GDA: variants seen among roughly 807,000 people sequenced by gnomAD.
GDA encodes the protein cytoplasmic PSD-95 interactor.
GDA carries 18 observed loss-of-function variants against 59.6 expected under a neutral mutation model. The ratio of observed to expected loss-of-function variants is 0.30; its 90% confidence interval spans 0.21 to 0.45. The LOEUF is 0.45. Ranked by LOEUF, GDA falls within the 20% of genes least tolerant of loss-of-function variation. The pLI, the probability that GDA is intolerant of heterozygous loss-of-function variation, is 1.00. For synonymous variants in GDA, 201 were observed against 201.1 expected, an observed-to-expected ratio of 1.00 and a Z score of 0.00; for missense variants, 427 against 552.3, an observed-to-expected ratio of 0.77 and a Z score of 2.27.
chr9:72,250,919 C>G lies in GDA; in HGVS notation c.*2577C>G, dbSNP rs1840617276. ...AACCAGAACACAAAAGCAGGCTAGT[C>G]AGCTAAGGTAAATTTCATTTTCAAA... On this transcript the variant is annotated 3_prime_UTR_variant, in exon 14 of 14. Transcript: ENST00000358399. The G allele has an allele frequency of 8.4e-7, 1 of 1,193,702 alleles. No homozygotes were observed. The highest frequency in any genetic ancestry group is 1.5e-5 in the African/African-American group (1 of 66,098). 73.9% of individuals were successfully genotyped at this position (1,193,702 alleles called of 1,614,324 possible).
At chr9:72,147,849 A>ATCAG (rs2130677241), upstream of GDA, among the ~76,000 whole-genome samples, 1 of 152,316 alleles carries the variant, frequency 6.6e-6, no homozygotes, top group African/African-American at 2.4e-5. Context: ...ATCAGGAGAA[A>ATCAG]GTGACAAGGA....
downstream of GDA, among the ~76,000 whole-genome samples, chr9:72,252,551 G>A (rs1028813167): frequency 2.6e-5 from 4 of 152,126 alleles, no homozygotes; most frequent in African/African-American, 9.7e-5. Context: ...AGACATATGT[G>A]CATGTGTATT....
chr9:72,149,781 C>T, intron 1 of GDA, 99 bp downstream of exon 1: 1 of 1,241,674 alleles, frequency 8.1e-7, no homozygotes, highest in South Asian at 1.6e-5. Context: ...GCTCGGTGCG[C>T]AGTGAGCGCC....
intron 1 of GDA, among the ~76,000 whole-genome samples, chr9:72,141,153 T>C (rs945673088): frequency 1.3e-5 from 2 of 152,184 alleles, no homozygotes; most frequent in Admixed American, 6.5e-5. Flanking sequence ...TTCCCTATTA[T>C]ATGCCATTCC....
chr9:72,155,258 G>A lies in GDA; in HGVS notation c.123+5576G>A, dbSNP rs144639218. Reference sequence around the variant, plus strand: ...GAGAGAATGAGGAAGATGAAAAAGCGGAAACTCCTGATAAACCCATCAGAT... The same window carrying A: ...GAGAGAATGAGGAAGATGAAAAAGCAGAAACTCCTGATAAACCCATCAGAT... On this transcript the variant is annotated intron_variant, in intron 1 of 13. Coordinates refer to ENST00000358399, the MANE Select transcript of GDA (RefSeq NM_004293.5). 2.3e-3 allele frequency among the ~76,000 whole-genome samples: 351 copies of A among 152,210 alleles called. 1 individual carries two copies. The highest frequency in any genetic ancestry group is 8.1e-3 in the African/African-American group (337 of 41,536).
chr9:72,208,225 A>T (rs1381219933), intron 3 of GDA, among the ~76,000 whole-genome samples: 1 of 152,178 alleles, frequency 6.6e-6, no homozygotes, highest in Non-Finnish European at 1.5e-5. Context: ...AATCCTGCAG[A>T]CACTTGAGCT....
chr9:72,215,218 T>A (rs1454986759), intron 5 of GDA, among the ~76,000 whole-genome samples: 1 of 152,082 alleles, frequency 6.6e-6, no homozygotes, highest in Non-Finnish European at 1.5e-5. Flanking sequence ...GAAAAATGAG[T>A]TATAGTTACA....
intron 1 of GDA, among the ~76,000 whole-genome samples, chr9:72,137,599 G>T (rs1304003428): frequency 6.6e-6 from 1 of 151,996 alleles, no homozygotes; most frequent in Non-Finnish European, 1.5e-5. Flanking sequence ...GCTTCTAGAA[G>T]CTCAAAGATC....
intron 1 of GDA, among the ~76,000 whole-genome samples, 156 bp from the exon 2 acceptor site, chr9:72,195,337 CTTTTTTT>C (rs55634274): frequency 2.5e-5 from 3 of 119,560 alleles, no homozygotes; most frequent in African/African-American, 6.2e-5. Flanking sequence ...AAACACCTGT[CTTTTTTT>C]TTTTTTTTTT....
Position 72,182,205 on chromosome 9 carries a change from A to G in GDA, c.124-13295A>G, listed in dbSNP as rs189558618. 4.5e-3 allele frequency among the ~76,000 whole-genome samples: 682 copies of G among 152,250 alleles called. 6 individuals carry two copies. The highest frequency in any genetic ancestry group is 0.016 in the African/African-American group (644 of 41,544). Reference sequence around the variant, plus strand: ...ACCACATGATCTGTAGACCCATTCAAACTTTGCCCACTGGCCCAATAATGC... The same window carrying G: ...ACCACATGATCTGTAGACCCATTCAGACTTTGCCCACTGGCCCAATAATGC... On this transcript the variant is annotated intron_variant, in intron 1 of 13. Transcript: ENST00000358399.
In GDA at chr9:72,176,691, G is replaced by T. The variant is rs571875756; in HGVS notation, c.124-18809G>T. ...GCTTTTTCTGTTCATGAAATTGAAA[G>T]CTCTATTGTGGATATTCCATTATTA... On this transcript the variant is annotated intron_variant, in intron 1 of 13. Coordinates refer to ENST00000358399, the MANE Select transcript of GDA (RefSeq NM_004293.5). Among the ~76,000 whole-genome samples the T allele has an allele frequency of 2.6e-5, 4 of 152,266 alleles. No homozygotes were observed. The East Asian group carries it at 7.7e-4, about 29-fold the overall frequency.
rs201364034 is a variant in GDA, at chr9:72,226,038, T to TA, written c.822+259dup. On this transcript the variant is annotated intron_variant, in intron 8 of 13. Coordinates refer to ENST00000358399, the MANE Select transcript of GDA (RefSeq NM_004293.5). ...GTGCGTGTGTGTGTGTGTGTGTAGT[T>TA]AAAAATGGACCCGAAGTTTCATCTT... is the stretch of plus-strand genomic sequence containing the variant. 9.2e-3 allele frequency among the ~76,000 whole-genome samples: 1,391 copies of TA among 151,354 alleles called. 20 individuals carry two copies. Among genetic ancestry groups the TA allele is most frequent in the African/African-American group, 0.032 (1,336 of 41,220 alleles).
chr9:72,129,339 G>A (rs568481225), intron 1 of GDA, among the ~76,000 whole-genome samples: 42 of 152,172 alleles, frequency 2.8e-4, no homozygotes, highest in Non-Finnish European at 4.4e-4. Context: ...GTAAACCAGA[G>A]AATGAGCCAG....
intron 1 of GDA, among the ~76,000 whole-genome samples, chr9:72,152,872 A>G (rs953746805): frequency 2.0e-5 from 3 of 152,178 alleles, no homozygotes; most frequent in Non-Finnish European, 1.5e-5. Context: ...GCCCATGCCT[A>G]TGTCCTGAAT....
At chr9:72,166,392 A>G (rs909826581) in intron 1 of GDA, among the ~76,000 whole-genome samples, 3 of 140,558 alleles carry the variant, frequency 2.1e-5, no homozygotes, top group African/African-American at 7.9e-5. Flanking sequence ...AATGATAGAT[A>G]CCAGAGACTG....
intron 12 of GDA, among the ~76,000 whole-genome samples, chr9:72,245,569 C>A (rs1291388738): frequency 6.6e-6 from 1 of 152,148 alleles, no homozygotes; most frequent in African/African-American, 2.4e-5. Context: ...GCTGGGTAGG[C>A]ATGGGATTAG....
intron 1 of GDA, among the ~76,000 whole-genome samples, chr9:72,119,588 T>G (rs931311371): frequency 6.6e-6 from 1 of 152,210 alleles, no homozygotes; most frequent in Non-Finnish European, 1.5e-5. Context: ...TAACAAAATA[T>G]GAACAATCAT....
chr9:72,178,969 A>C (rs1024782526), intron 1 of GDA, among the ~76,000 whole-genome samples: 3 of 152,130 alleles, frequency 2.0e-5, no homozygotes, highest in Non-Finnish European at 2.9e-5. Context: ...TAGTAAACAA[A>C]CTGTCTTCTC....
chr9:72,160,250 A>C (rs1355973097), intron 1 of GDA, among the ~76,000 whole-genome samples: 1 of 152,198 alleles, frequency 6.6e-6, no homozygotes, highest in Non-Finnish European at 1.5e-5. Context: ...CGGAGCTTGC[A>C]GTGAGCCGAG....
Sources: allele counts gnomAD v4.1 joint callset (sites outside exome capture counted in the v4.1 genomes callset), GRCh38; gene constraint gnomAD v4.1.1; transcripts MANE v1.5; gene names NCBI Gene and HGNC (gene_info 2026-07-23, HGNC 2026-07-21).